BCKDHB: variants seen among roughly 807,000 people sequenced by gnomAD.
BCKDHB encodes the protein 2-oxoisovalerate dehydrogenase subunit beta, mitochondrial.
Under a neutral mutation model 48.5 loss-of-function variants are expected in BCKDHB, and 41 were observed. That is an observed-to-expected ratio of 0.85 (90% confidence interval 0.66 to 1.10). BCKDHB has a LOEUF of 1.10. BCKDHB is among the 50% of genes least tolerant of loss of function. The pLI is 0.00. For synonymous variants in BCKDHB, 201 were observed against 174.8 expected, an observed-to-expected ratio of 1.15 and a Z score of -1.18; for missense variants, 496 against 494.2, an observed-to-expected ratio of 1.00 and a Z score of -0.03.
chr6:80,280,160 G>A (rs1778138203), intron 9 of BCKDHB, among the ~76,000 whole-genome samples: 1 of 152,180 alleles, frequency 6.6e-6, no homozygotes, highest in South Asian at 2.1e-4. Context: ...TTGTTTTTAT[G>A]TGGAGGAAAT....
the BCKDHB span, among the ~76,000 whole-genome samples, chr6:80,421,161 T>C: frequency 6.6e-6 from 1 of 152,088 alleles, no homozygotes; most frequent in Non-Finnish European, 1.5e-5. Context: ...GTTCTCATGA[T>C]AGAGAGTTCT....
At chr6:80,363,561 G>T in the BCKDHB span, among the ~76,000 whole-genome samples, 1 of 152,010 alleles carries the variant, frequency 6.6e-6, no homozygotes, top group Non-Finnish European at 1.5e-5. Context: ...CTATGATTTT[G>T]TATAGAAAAT....
chr6:80,282,222 T>A (rs1766361943), intron 9 of BCKDHB, among the ~76,000 whole-genome samples: 2 of 152,146 alleles, frequency 1.3e-5, no homozygotes, highest in Non-Finnish European at 2.9e-5. Flanking sequence ...ATTGATAAAA[T>A]GCTAATTTTA....
At chr6:80,442,356 A>G in the BCKDHB span, among the ~76,000 whole-genome samples, 257 of 152,288 alleles carry the variant, frequency 1.7e-3, 1 homozygote, top group Middle Eastern at 6.8e-3. Context: ...AGACCATCCT[A>G]TTTCACAATC....
the BCKDHB span, among the ~76,000 whole-genome samples, chr6:80,433,109 G>A: frequency 5.3e-5 from 8 of 152,228 alleles, no homozygotes; most frequent in African/African-American, 1.9e-4. Context: ...CCCATACTGG[G>A]AGATTCCTCC....
intron 1 of BCKDHB, among the ~76,000 whole-genome samples, chr6:80,124,497 A>G (rs1032086020): frequency 3.3e-5 from 5 of 152,152 alleles, no homozygotes; most frequent in African/African-American, 4.8e-5. Flanking sequence ...TTGGAGTGTT[A>G]AAGTCTCCCA....
chr6:80,251,857 T>C (rs1255071492), intron 8 of BCKDHB: 1 of 152,186 alleles, frequency 6.6e-6, no homozygotes, highest in Non-Finnish European at 1.5e-5. Flanking sequence ...TGTGTACAAA[T>C]TTTTTATTGA....
At chr6:80,465,103 C>A in the BCKDHB span, among the ~76,000 whole-genome samples, 1 of 152,168 alleles carries the variant, frequency 6.6e-6, no homozygotes, top group African/African-American at 2.4e-5. Flanking sequence ...TCATTCAGCT[C>A]CTTTAGCAGC....
At chr6:80,262,904 G>C (rs1197929370) in intron 8 of BCKDHB, among the ~76,000 whole-genome samples, 2 of 152,098 alleles carry the variant, frequency 1.3e-5, no homozygotes, top group Non-Finnish European at 2.9e-5. Flanking sequence ...ACATGTTACT[G>C]TTATAGTCCT....
the BCKDHB span, among the ~76,000 whole-genome samples, chr6:80,439,291 A>C: frequency 5.9e-5 from 9 of 152,150 alleles, no homozygotes; most frequent in African/African-American, 2.2e-4. Flanking sequence ...TACTGCCCCC[A>C]ATGTCATAGT....
chr6:80,326,775 A>C (rs1769051467), intron 9 of BCKDHB, among the ~76,000 whole-genome samples: 1 of 152,078 alleles, frequency 6.6e-6, no homozygotes, highest in Non-Finnish European at 1.5e-5. Context: ...GTAATCCCAG[A>C]GAATTGCTTG....
rs1774364102 is a variant in BCKDHB, at chr6:80,200,960, A to C, written c.769A>C (p.Asn257His). The change falls in exon 7 of 10, where the codon AAC becomes CAC. Residue 257 changes from asparagine (N) to histidine (H), a missense_variant. Asn to His is a moderately conservative substitution (Grantham distance 68). Coordinates refer to ENST00000320393, the MANE Select transcript of BCKDHB (RefSeq NM_183050.4). ...AAEEVPIEPY[N>H]IPLSQAEVIQ... ...GGAAGAAGTCCCTATAGAACCATAC[A>C]ACATCCCACTGTCCCAGGCCGAAGT... The C allele has an allele frequency of 6.2e-7, 1 of 1,612,588 alleles. No homozygotes were observed.
At chr6:80,436,825 T>G in the BCKDHB span, among the ~76,000 whole-genome samples, 1 of 152,360 alleles carries the variant, frequency 6.6e-6, no homozygotes, top group African/African-American at 2.4e-5. Flanking sequence ...ACAGCATGAT[T>G]GCTTTTTCTA....
chr6:80,282,897 A>T (rs1003544654), intron 9 of BCKDHB, among the ~76,000 whole-genome samples: 1 of 152,144 alleles, frequency 6.6e-6, no homozygotes, highest in Admixed American at 6.5e-5. Flanking sequence ...GTTTTAAATT[A>T]AAAAACCCAT....
At position 80,253,967 on chromosome 6, in the gene BCKDHB, A is replaced by G. The variant is rs1298033115; in HGVS notation, c.952-19168A>G. 2.0e-5 allele frequency among the ~76,000 whole-genome samples: 3 copies of G among 152,002 alleles called. No individual in the cohort carries two copies. The South Asian group carries it at 6.2e-4, about 31-fold the overall frequency. On this transcript the variant is annotated intron_variant, in intron 8 of 9. Transcript: ENST00000320393. ...AAGTTAATTAATTAAGCAACATTTC[A>G]TAATAAATTCTGTGCTGAAATAATT... is the stretch of plus-strand genomic sequence containing the variant.
the BCKDHB span, among the ~76,000 whole-genome samples, chr6:80,409,575 CATATATAT>C: frequency 2.3e-3 from 117 of 50,142 alleles, no homozygotes; most frequent in Admixed American, 3.7e-3. Flanking sequence ...GTATTGGTTG[CATATATAT>C]ATATATATAT....
At chr6:80,231,175 T>C (rs1274897447) in intron 8 of BCKDHB, among the ~76,000 whole-genome samples, 1 of 152,212 alleles carries the variant, frequency 6.6e-6, no homozygotes, top group African/African-American at 2.4e-5. Flanking sequence ...TGACAGTTTA[T>C]GTAAATTCTA....
At position 80,305,647 on chromosome 6, in the gene BCKDHB, G is replaced by C. The variant is rs150659503; in HGVS notation, c.1038+32426G>C. Among the ~76,000 whole-genome samples, 533 of 152,186 alleles carry C rather than the reference G, an allele frequency of 3.5e-3. 3 individuals are homozygous for C. The highest frequency in any genetic ancestry group is 0.012 in the African/African-American group (506 of 41,522). ...GATACTCCAAAGAAGAACTGAGTGA[G>C]GGCTGATTTCTGCTACATGTTGAAG... On this transcript the variant is annotated intron_variant, in intron 9 of 9. Transcript: ENST00000320393.
chr6:80,462,384 T>C, the BCKDHB span, among the ~76,000 whole-genome samples: 1 of 152,164 alleles, frequency 6.6e-6, no homozygotes, highest in Non-Finnish European at 1.5e-5. Flanking sequence ...TAATTAATTG[T>C]GGAATTATAA....
Sources: gnomAD v4.1 joint callset for allele counts (sites outside exome capture counted in the v4.1 genomes callset) on GRCh38, gnomAD v4.1.1 for gene constraint, MANE v1.5 for transcripts, NCBI Gene and HGNC (gene_info 2026-07-23, HGNC 2026-07-21) for gene names.